The following ACOT12 variants were observed in gnomAD, a reference collection of about 807,000 sequenced individuals.
The protein encoded by ACOT12 is acetyl-coenzyme A thioesterase.
Under a neutral mutation model 67.7 loss-of-function variants are expected in ACOT12, and 51 were observed. That is an observed-to-expected ratio of 0.75 (90% confidence interval 0.60 to 0.95). The LOEUF is 0.95. Ranked by LOEUF, ACOT12 falls within the 40% of genes least tolerant of loss-of-function variation. The pLI, the probability that ACOT12 is intolerant of heterozygous loss-of-function variation, is 0.00. For missense variants in ACOT12, 734 were observed against 708.1 expected, an observed-to-expected ratio of 1.04 and a Z score of -0.41; for synonymous variants, 251 against 244.6, an observed-to-expected ratio of 1.03 and a Z score of -0.24.
chr5:81,322,549 A>C, the ACOT12 span, among the ~76,000 whole-genome samples: 1 of 152,026 alleles, frequency 6.6e-6, no homozygotes, highest in Admixed American at 6.6e-5. Flanking sequence ...GGTTGATTTT[A>C]AATAAGGGGC....
At chr5:81,315,875 T>C in the ACOT12 span, among the ~76,000 whole-genome samples, 1 of 152,316 alleles carries the variant, frequency 6.6e-6, no homozygotes, top group South Asian at 2.1e-4. Context: ...TTACTTTGCT[T>C]TATGTTTTTC....
chr5:81,380,961 T>C (rs1271556276), intron 2 of ACOT12, among the ~76,000 whole-genome samples: 1 of 152,174 alleles, frequency 6.6e-6, no homozygotes, highest in Non-Finnish European at 1.5e-5. Flanking sequence ...CTGTAGAGGA[T>C]GTTATTGTGC....
downstream of ACOT12, among the ~76,000 whole-genome samples, chr5:81,329,512 T>C (rs767689204): frequency 1.3e-5 from 2 of 152,094 alleles, no homozygotes; most frequent in Non-Finnish European, 2.9e-5. Flanking sequence ...GGAGCAGAGG[T>C]AGAACTTTAG....
chr5:81,349,074 T>C (rs555585023), intron 5 of ACOT12, among the ~76,000 whole-genome samples: 47 of 152,286 alleles, frequency 3.1e-4, no homozygotes, highest in Non-Finnish European at 1.0e-4. Flanking sequence ...GACACCATCG[T>C]GGCTGTACTG....
intron 10 of ACOT12, 129 bp downstream of exon 10, chr5:81,343,689 G>A (rs1275296416): frequency 9.4e-6 from 8 of 849,792 alleles, no homozygotes; most frequent in East Asian, 8.0e-5. Context: ...ATCTTGACAT[G>A]ACTGGCTGAT....
In ACOT12 at chr5:81,345,122, G is replaced by A. The variant is rs1561328381; in HGVS notation, c.774-81C>T. The A allele has an allele frequency of 2.8e-5, 21 of 749,754 alleles. 1 individual carries two copies. The highest frequency in any genetic ancestry group is 2.6e-4 in the South Asian group (14 of 53,294). 46.4% of individuals were successfully genotyped at this position (749,754 alleles called of 1,614,324 possible). Reference sequence around the variant, plus strand: ...CCTTGCACACCGCTGCCACCTCCTCGCCCACCGCTGCCACCTCCTCTAAGC... The same window carrying A: ...CCTTGCACACCGCTGCCACCTCCTCACCCACCGCTGCCACCTCCTCTAAGC... On this transcript the variant is annotated intron_variant, in intron 7 of 14. Coordinates refer to ENST00000307624, the MANE Select transcript of ACOT12 (RefSeq NM_130767.3).
At chr5:81,373,873 CAG>C (rs1561347130) in intron 2 of ACOT12, among the ~76,000 whole-genome samples, 2 of 152,160 alleles carry the variant, frequency 1.3e-5, no homozygotes, top group African/African-American at 4.8e-5. Flanking sequence ...CTCCCTGGGA[CAG>C]AGCACATGGG....
downstream of ACOT12, among the ~76,000 whole-genome samples, chr5:81,327,700 C>T (rs1358327398): frequency 1.3e-5 from 2 of 152,232 alleles, no homozygotes; most frequent in Admixed American, 6.5e-5. Flanking sequence ...CTTGGCCTCC[C>T]AAAGTGCTGG....
intron 5 of ACOT12, among the ~76,000 whole-genome samples, chr5:81,348,809 C>T (rs1396756434): frequency 6.6e-6 from 1 of 152,218 alleles, no homozygotes; most frequent in African/African-American, 2.4e-5. Flanking sequence ...GGTGATCTGC[C>T]CGCCTCGGCC....
At chr5:81,326,288 C>T (rs536303006), downstream of ACOT12, among the ~76,000 whole-genome samples, 1 of 152,026 alleles carries the variant, frequency 6.6e-6, no homozygotes, top group African/African-American at 2.4e-5. Context: ...CCACGTCTGG[C>T]TAATTTTGTA....
chr5:81,379,530 A>T (rs1033251474), intron 2 of ACOT12, among the ~76,000 whole-genome samples: 1 of 152,028 alleles, frequency 6.6e-6, no homozygotes, highest in Non-Finnish European at 1.5e-5. Context: ...ATAATCTAAC[A>T]ACACGTCATT....
rs1174301039 is a variant in ACOT12 at position 81,362,485 on chromosome 5, C to T, written c.360+1303G>A. 2.6e-5 allele frequency among the ~76,000 whole-genome samples: 4 copies of T among 152,096 alleles called. No homozygotes were observed. The South Asian group carries it at 6.2e-4, about 24-fold the overall frequency. On this transcript the variant is annotated intron_variant, in intron 4 of 14. Transcript: ENST00000307624. ...TCGGCCGACTATTATATTCTTATTC[C>T]ACACGTCCATGAAGTTGGAGGGAGA... is the stretch of plus-strand genomic sequence containing the variant.
chr5:81,371,845 T>C (rs1760264748), intron 2 of ACOT12, 35 bp from the exon 3 acceptor site: 1 of 1,578,402 alleles, frequency 6.3e-7, no homozygotes, highest in Admixed American at 1.7e-5. Context: ...CTCAGTAGTT[T>C]TAGCACATTT....
At chr5:81,318,278 T>G in the ACOT12 span, among the ~76,000 whole-genome samples, 2 of 152,184 alleles carry the variant, frequency 1.3e-5, no homozygotes, top group Non-Finnish European at 2.9e-5. Context: ...CCAGCACTGT[T>G]TGTTGAAAAT....
chr5:81,339,006 A>G (rs1266959808), intron 11 of ACOT12, among the ~76,000 whole-genome samples: 5 of 150,944 alleles, frequency 3.3e-5, no homozygotes, highest in Non-Finnish European at 1.5e-5. Flanking sequence ...CCTGGAACCC[A>G]GGAGGGGGAG....
chr5:81,342,037 C>A (rs114055271), intron 11 of ACOT12, among the ~76,000 whole-genome samples: 2,438 of 152,198 alleles, frequency 0.016, 19 homozygotes, highest in Non-Finnish European at 0.016. Context: ...ATTGCCCAGA[C>A]TGGAATGCAA....
At chr5:81,381,247 T>G (rs1035654172) in intron 2 of ACOT12, among the ~76,000 whole-genome samples, 3 of 152,058 alleles carry the variant, frequency 2.0e-5, no homozygotes, top group Non-Finnish European at 4.4e-5. Flanking sequence ...TTTCTATTTT[T>G]AGTAGAGATG....
intron 2 of ACOT12, among the ~76,000 whole-genome samples, chr5:81,374,996 C>T (rs536732014): frequency 1.3e-5 from 2 of 152,262 alleles, no homozygotes; most frequent in South Asian, 4.1e-4. Flanking sequence ...GAGAATACCA[C>T]AAAGGTACTT....
chr5:81,393,860 T>A (rs1275086072), intron 1 of ACOT12, 128 bp downstream of exon 1: 15 of 1,076,170 alleles, frequency 1.4e-5, no homozygotes, highest in Non-Finnish European at 1.8e-5. Flanking sequence ...AACACCCCTA[T>A]CCCTGGCTGC....
Sources: gnomAD v4.1 joint callset for allele counts (sites outside exome capture counted in the v4.1 genomes callset) on GRCh38, gnomAD v4.1.1 for gene constraint, MANE v1.5 for transcripts, NCBI Gene and HGNC (gene_info 2026-07-23, HGNC 2026-07-21) for gene names.